Variants in NBEA observed in about 807,000 individuals in gnomAD.
NBEA encodes the protein lysosomal-trafficking regulator 2.
NBEA carries 44 observed loss-of-function variants against 343.4 expected under a neutral mutation model. The ratio of observed to expected loss-of-function variants is 0.13; its 90% confidence interval spans 0.10 to 0.16. The LOEUF is 0.16. NBEA is among the 10% of genes least tolerant of loss of function. The pLI is 1.00. For synonymous variants in NBEA, 1,175 were observed against 1,238.7 expected (o/e 0.95, Z 1.08); for missense variants, 2,555 against 3,631.3 (o/e 0.70, Z 7.62).
intron 1 of NBEA, among the ~76,000 whole-genome samples, chr13:34,947,797 C>T (rs1370063604): frequency 1.3e-5 from 2 of 152,110 alleles, no homozygotes; most frequent in Non-Finnish European, 2.9e-5. Context: ...CATTACGGTC[C>T]AGACTTAGGA....
chr13:35,400,152 G>A (rs556242881), intron 38 of NBEA, among the ~76,000 whole-genome samples: 1 of 139,192 alleles, frequency 7.2e-6, no homozygotes, highest in South Asian at 2.3e-4. Context: ...ACTATGTCAC[G>A]GATAGATTTG....
chr13:35,477,988 T>G (rs963047801), intron 41 of NBEA, among the ~76,000 whole-genome samples: 2 of 152,174 alleles, frequency 1.3e-5, no homozygotes, highest in Non-Finnish European at 2.9e-5. Context: ...CTAGGTGGAT[T>G]TTTTTAATTG....
chr13:35,462,018 C>CTGAT (rs2046934075), intron 40 of NBEA, among the ~76,000 whole-genome samples: 4 of 152,286 alleles, frequency 2.6e-5, no homozygotes, highest in Admixed American at 1.3e-4. Flanking sequence ...AGAATAGAAT[C>CTGAT]TGATTAGAAT....
At chr13:35,229,818 G>A (rs983311630) in intron 33 of NBEA, among the ~76,000 whole-genome samples, 6 of 152,054 alleles carry the variant, frequency 3.9e-5, no homozygotes, top group Non-Finnish European at 7.4e-5. Flanking sequence ...TAACAATGAA[G>A]CTAATTTATA....
At chr13:35,389,222 A>G (rs776343966) in intron 38 of NBEA, among the ~76,000 whole-genome samples, 3 of 152,142 alleles carry the variant, frequency 2.0e-5, no homozygotes, top group Non-Finnish European at 4.4e-5. Context: ...AGCCTGTGGT[A>G]CTTATATGAT....
intron 10 of NBEA, among the ~76,000 whole-genome samples, chr13:35,078,947 G>A (rs1436268858): frequency 2.6e-5 from 4 of 152,016 alleles, no homozygotes; most frequent in South Asian, 4.2e-4. Flanking sequence ...GTTTGAACCC[G>A]GGAGGCGGAG....
At chr13:35,189,703 G>A (rs1168760574) in intron 30 of NBEA, among the ~76,000 whole-genome samples, 2 of 151,832 alleles carry the variant, frequency 1.3e-5, no homozygotes, top group Non-Finnish European at 2.9e-5. Flanking sequence ...GGAACTTCGG[G>A]AAGAGCAAAG....
At chr13:35,283,517 C>A (rs1328337933) in intron 34 of NBEA, among the ~76,000 whole-genome samples, 1 of 152,080 alleles carries the variant, frequency 6.6e-6, no homozygotes, top group African/African-American at 2.4e-5. Context: ...ATATTAATTT[C>A]TTTATCAATC....
At chr13:35,142,225 T>G (rs753331397) in intron 17 of NBEA, 44 bp from the exon 18 acceptor site, 3 of 1,235,204 alleles carry the variant, frequency 2.4e-6, no homozygotes, top group Non-Finnish European at 2.4e-6. Context: ...GATCGGAGAA[T>G]CCAATGTGTT....
At chr13:35,358,536 G>T (rs1443868272) in intron 38 of NBEA, among the ~76,000 whole-genome samples, 1 of 151,608 alleles carries the variant, frequency 6.6e-6, no homozygotes, top group Non-Finnish European at 1.5e-5. Context: ...TGGCCAACAT[G>T]GTGAAACCCT....
chr13:35,220,488 A>C lies in NBEA; in HGVS notation c.5648+9309A>C, dbSNP rs543662408. Among the ~76,000 whole-genome samples, 33 of 152,286 alleles carry C rather than the reference A, an allele frequency of 2.2e-4. 1 individual carries two copies. In the South Asian group the frequency reaches 6.6e-3, roughly 31 times the overall value. ...GGATATTTTGAACCAATAGAATTCT[A>C]GGTTGGCAATTATTTTCTTATAGTG... On this transcript the variant is annotated intron_variant, in intron 33 of 58. Coordinates refer to ENST00000379939, the MANE Select transcript of NBEA (RefSeq NM_001385012.1).
chr13:35,289,189 C>G (rs2035636428), intron 34 of NBEA, among the ~76,000 whole-genome samples: 1 of 151,836 alleles, frequency 6.6e-6, no homozygotes, highest in Non-Finnish European at 1.5e-5. Flanking sequence ...ACTGGTTTCA[C>G]TTCGATTTTC....
intron 10 of NBEA, among the ~76,000 whole-genome samples, chr13:35,079,804 C>G (rs2064293409): frequency 6.6e-6 from 1 of 152,128 alleles, no homozygotes; most frequent in Non-Finnish European, 1.5e-5. Context: ...TCACTCACTA[C>G]TAAGCTATTC....
intron 36 of NBEA, among the ~76,000 whole-genome samples, chr13:35,328,597 T>A (rs1396632686): frequency 6.6e-6 from 1 of 151,936 alleles, no homozygotes; most frequent in Non-Finnish European, 1.5e-5. Context: ...TGGATCAAAA[T>A]GTCTCATGCA....
chr13:35,169,001 T>C lies in NBEA; in HGVS notation c.4242+6T>C, dbSNP rs1318211785. 4 of 1,499,014 alleles carry C rather than the reference T, an allele frequency of 2.7e-6. No homozygotes were observed. The highest frequency in any genetic ancestry group is 1.4e-5 in the South Asian group (1 of 72,460). 92.9% of individuals were successfully genotyped at this position (1,499,014 alleles called of 1,614,324 possible). A position where few individuals can be genotyped will look rare whatever the true frequency, so the allele number is the denominator to read the frequency against. ...TGCATGTCCAGGGTTCTAAGGTTAGTATTACTTTTGTAGTAATTTTCAGCT... is the reference window on the plus strand; with the variant it reads ...TGCATGTCCAGGGTTCTAAGGTTAGCATTACTTTTGTAGTAATTTTCAGCT... On this transcript the variant is annotated splice_donor_region_variant and intron_variant, in intron 25 of 58. Transcript: ENST00000379939.
intron 41 of NBEA, chr13:35,476,200 G>A: frequency 3.7e-6 from 6 of 1,609,726 alleles, no homozygotes; most frequent in Non-Finnish European, 5.1e-6. Flanking sequence ...ATCCAATGCG[G>A]CTGCTAGAGC....
At chr13:35,342,392 G>C (rs373330752) in intron 36 of NBEA, among the ~76,000 whole-genome samples, 1 of 151,954 alleles carries the variant, frequency 6.6e-6, no homozygotes, top group African/African-American at 2.4e-5. Flanking sequence ...TTAAAAATTA[G>C]CATGAAATGA....
chr13:35,535,371 C>A (rs1371538371), intron 41 of NBEA, among the ~76,000 whole-genome samples: 1 of 152,076 alleles, frequency 6.6e-6, no homozygotes, highest in African/African-American at 2.4e-5. Flanking sequence ...ACACGCAAAA[C>A]CGTTTAGTAA....
intron 34 of NBEA, among the ~76,000 whole-genome samples, chr13:35,280,791 T>C (rs1331352375): frequency 2.0e-5 from 3 of 152,024 alleles, no homozygotes; most frequent in Non-Finnish European, 2.9e-5. Context: ...TTTTTTGCCA[T>C]TTATTTGATG....
Sources: gnomAD v4.1 joint callset for allele counts (sites outside exome capture counted in the v4.1 genomes callset) on GRCh38, gnomAD v4.1.1 for gene constraint, MANE v1.5 for transcripts, NCBI Gene and HGNC (gene_info 2026-07-23, HGNC 2026-07-21) for gene names.